Variants in CDYL observed in about 807,000 individuals in gnomAD.
The protein encoded by CDYL is chromodomain Y like, also known as chromodomain Y-like protein.
A neutral mutation model predicts 47.3 loss-of-function variants in CDYL; 8 were observed. That is an observed-to-expected ratio of 0.17 (90% CI 0.10 to 0.31). The LOEUF (loss-of-function observed/expected upper bound fraction) is 0.31, where lower values mean the gene tolerates loss of function less well. Ranked by LOEUF, CDYL falls within the 10% of genes least tolerant of loss-of-function variation. The pLI is 1.00. For synonymous variants in CDYL, 266 were observed against 265.0 expected (o/e 1.00, Z -0.04); for missense variants, 471 against 701.4 (o/e 0.67, Z 3.71).
intron 1 of CDYL, among the ~76,000 whole-genome samples, chr6:4,828,957 C>T (rs1760058687): frequency 6.6e-6 from 1 of 152,074 alleles, no homozygotes; most frequent in Non-Finnish European, 1.5e-5. Flanking sequence ...TTGCTTGGTT[C>T]CTTTATAAAA....
intron 1 of CDYL, among the ~76,000 whole-genome samples, chr6:4,706,953 C>T (rs1012214303): frequency 6.6e-6 from 1 of 152,098 alleles, no homozygotes; most frequent in Non-Finnish European, 1.5e-5. Flanking sequence ...ATGGTGAAAG[C>T]AATGCTGAAC....
At chr6:4,949,191 T>C (rs937893805) in intron 5 of CDYL, among the ~76,000 whole-genome samples, 2 of 152,190 alleles carry the variant, frequency 1.3e-5, no homozygotes, top group African/African-American at 2.4e-5. Flanking sequence ...ATGGAGTGCA[T>C]GGAGGATGGC....
At chr6:4,919,550 C>A (rs1317832531) in intron 2 of CDYL, among the ~76,000 whole-genome samples, 2 of 152,156 alleles carry the variant, frequency 1.3e-5, no homozygotes, top group Non-Finnish European at 2.9e-5. Context: ...TTGAGTGTTA[C>A]ATTGGTGAAA....
At chr6:4,840,214 T>G (rs893968473) in intron 1 of CDYL, among the ~76,000 whole-genome samples, 4 of 152,148 alleles carry the variant, frequency 2.6e-5, no homozygotes, top group East Asian at 3.9e-4. Flanking sequence ...TCACCTTGGT[T>G]GTTGTTGGTG....
intron 1 of CDYL, among the ~76,000 whole-genome samples, chr6:4,839,137 C>G (rs550023225): frequency 1.3e-5 from 2 of 152,156 alleles, no homozygotes; most frequent in Non-Finnish European, 2.9e-5. Flanking sequence ...GAGGTGGTAT[C>G]GCATTGTGGT....
intron 1 of CDYL, among the ~76,000 whole-genome samples, chr6:4,711,461 G>A (rs1757151619): frequency 6.6e-6 from 1 of 152,074 alleles, no homozygotes; most frequent in Admixed American, 6.6e-5. Flanking sequence ...TTCTCTCTTA[G>A]TCTTATGAAC....
chr6:4,948,878 T>A (rs1390740529), intron 5 of CDYL, among the ~76,000 whole-genome samples: 1 of 152,262 alleles, frequency 6.6e-6, no homozygotes, highest in Non-Finnish European at 1.5e-5. Flanking sequence ...CAACTCTTGT[T>A]GAAAGTGACT....
At chr6:4,765,665 G>C (rs1411793354) in intron 3 of CDYL, among the ~76,000 whole-genome samples, 1 of 151,864 alleles carries the variant, frequency 6.6e-6, no homozygotes, top group Non-Finnish European at 1.5e-5. Context: ...CCAGGTTCAA[G>C]TGATTCTCTT....
chr6:4,941,298 C>A (rs1005635571), intron 4 of CDYL, among the ~76,000 whole-genome samples: 1 of 152,236 alleles, frequency 6.6e-6, no homozygotes, highest in African/African-American at 2.4e-5. Flanking sequence ...GCCCCTGCCT[C>A]GCCTCTGGTT....
rs1029636072 is a variant in CDYL, at chr6:4,945,264, T to G, written c.1332+1508T>G. On this transcript the variant is annotated intron_variant, in intron 5 of 6. Coordinates refer to ENST00000397588, the MANE Select transcript of CDYL (RefSeq NM_004824.4). Reference sequence around the variant, plus strand: ...ATTTTTTAACCTAGGGAGAGCTGCCTGAAGGTTTATGGGAACTCTGTACTA... The same window carrying G: ...ATTTTTTAACCTAGGGAGAGCTGCCGGAAGGTTTATGGGAACTCTGTACTA... 2.6e-5 allele frequency among the ~76,000 whole-genome samples: 4 copies of G among 152,190 alleles called. No individual in the cohort carries two copies. In the East Asian group the frequency reaches 5.8e-4, roughly 22 times the overall value.
chr6:4,823,652 T>G (rs1484271633), intron 1 of CDYL, among the ~76,000 whole-genome samples: 2 of 152,176 alleles, frequency 1.3e-5, no homozygotes, highest in Non-Finnish European at 2.9e-5. Flanking sequence ...AGTATACAAT[T>G]CCATGATGTT....
At chr6:4,763,801 G>A (rs149314296) in intron 3 of CDYL, among the ~76,000 whole-genome samples, 4,886 of 152,132 alleles carry the variant, frequency 0.032, 269 homozygotes, top group African/African-American at 0.11. Flanking sequence ...AAATTAGCTG[G>A]GCATGGTGGC....
chr6:4,894,019 G>T (rs778987806), intron 2 of CDYL, among the ~76,000 whole-genome samples: 28 of 152,190 alleles, frequency 1.8e-4, no homozygotes, highest in Non-Finnish European at 3.8e-4. Flanking sequence ...GGCTTCATTG[G>T]AGCTTGTGAA....
Position 4,943,770 on chromosome 6 carries a change from TAAAAAAAA to T in CDYL, c.1332+24_1332+31del, listed in dbSNP as rs34649909. On this transcript the variant is annotated intron_variant, in intron 5 of 6. Transcript: ENST00000397588. ...GGAGGAGCATCTGTGAGTACCTTTTTAAAAAAAAAAAAAAAAAGTCATTCTAGAAAGCT... is the reference window on the plus strand; with the variant it reads ...GGAGGAGCATCTGTGAGTACCTTTTTAAAAAAAAAGTCATTCTAGAAAGCT... 8.5e-7 allele frequency: 1 copy of T among 1,172,864 alleles called. No homozygotes were observed. Among genetic ancestry groups the T allele is most frequent in the Non-Finnish European group, 1.2e-6 (1 of 843,312 alleles). The allele number at this position is 1,172,864 out of a possible 1,614,324, so 72.7% of individuals were successfully genotyped here.
intron 1 of CDYL, among the ~76,000 whole-genome samples, chr6:4,877,596 T>TG (rs1311316291): frequency 6.6e-6 from 1 of 152,230 alleles, no homozygotes; most frequent in Non-Finnish European, 1.5e-5. Flanking sequence ...ATAGATTTCT[T>TG]GGGGATCTTT....
intron 4 of CDYL, 66 bp downstream of exon 4, chr6:4,937,803 A>T: frequency 7.7e-7 from 1 of 1,293,026 alleles, no homozygotes; most frequent in South Asian, 1.4e-5. Context: ...CAATCCTGAT[A>T]GAATGGGCCT....
At chr6:4,751,014 G>A (rs568324196) in intron 3 of CDYL, among the ~76,000 whole-genome samples, 37 of 151,892 alleles carry the variant, frequency 2.4e-4, no homozygotes, top group Admixed American at 5.9e-4. Flanking sequence ...CACCACGCCC[G>A]GCTAATTTTT....
In CDYL at chr6:4,954,639, A is replaced by T. The variant is rs893401747; in HGVS notation, c.*583A>T. The T allele has an allele frequency of 6.6e-6, 1 of 152,590 alleles. No homozygotes were observed. The highest frequency in any genetic ancestry group is 1.5e-5 in the Non-Finnish European group (1 of 68,040). 9.5% of individuals were successfully genotyped at this position (152,590 alleles called of 1,614,324 possible). ...TGATGAAAAATCCGCTGAGGAGCAT[A>T]CCCCAAACCAGACATATGCTTAGGA... On this transcript the variant is annotated 3_prime_UTR_variant, in exon 7 of 7. Transcript: ENST00000397588.
chr6:4,904,579 CATCTG>C (rs780804118), intron 2 of CDYL, among the ~76,000 whole-genome samples: 3 of 152,226 alleles, frequency 2.0e-5, no homozygotes, highest in Non-Finnish European at 4.4e-5. Context: ...TTTATGATAA[CATCTG>C]GTCTGTCCTC....
Sources: gnomAD v4.1 joint callset for allele counts (sites outside exome capture counted in the v4.1 genomes callset) on GRCh38, gnomAD v4.1.1 for gene constraint, MANE v1.5 for transcripts, NCBI Gene and HGNC (gene_info 2026-07-23, HGNC 2026-07-21) for gene names.